The following TMEM132D variants were observed in gnomAD, a reference collection of about 807,000 sequenced individuals.
TMEM132D encodes the protein mature OL transmembrane protein.
In TMEM132D, 21 loss-of-function variants were observed where a neutral mutation model predicts 62.3. That is an observed-to-expected ratio of 0.34 (90% CI 0.24 to 0.49). The LOEUF (loss-of-function observed/expected upper bound fraction) is 0.49. TMEM132D is among the 20% of genes least tolerant of loss of function. The pLI is 0.99. For missense variants in TMEM132D, 1,346 were observed against 1,402.8 expected, an observed-to-expected ratio of 0.96 and a Z score of 0.65; for synonymous variants, 621 against 575.6, an observed-to-expected ratio of 1.08 and a Z score of -1.13.
intron 4 of TMEM132D, among the ~76,000 whole-genome samples, chr12:129,326,942 T>C (rs1383213736): frequency 3.3e-5 from 5 of 152,274 alleles, no homozygotes; most frequent in South Asian, 2.1e-4. Context: ...TAAGTCATAA[T>C]GGTGCACTCA....
intron 4 of TMEM132D, among the ~76,000 whole-genome samples, chr12:129,269,470 T>C (rs1880793969): frequency 6.6e-6 from 1 of 152,138 alleles, no homozygotes; most frequent in Non-Finnish European, 1.5e-5. Context: ...GCAGGACTTT[T>C]GCTAGCCCTG....
intron 5 of TMEM132D, among the ~76,000 whole-genome samples, chr12:129,172,363 T>A (rs1203656785): frequency 6.6e-6 from 1 of 152,242 alleles, no homozygotes; most frequent in Non-Finnish European, 1.5e-5. Context: ...TTTCTTATCA[T>A]TTGTGTGTTC....
chr12:129,453,284 A>T (rs576550939), intron 3 of TMEM132D, among the ~76,000 whole-genome samples: 171 of 152,268 alleles, frequency 1.1e-3, no homozygotes, highest in Admixed American at 2.0e-3. Context: ...TGCCTACTAA[A>T]CGAAGCCCAT....
In TMEM132D at chr12:129,737,873, G is replaced by A. The variant is rs112743863; in HGVS notation, c.80-37175C>T. On this transcript the variant is annotated intron_variant, in intron 1 of 8. Transcript: ENST00000422113. Reference sequence around the variant, plus strand: ...AGGATCTGATTTCTTGGGTGAAAATGAGCACCATGCTTTCACTGATGGTTC... The same window carrying A: ...AGGATCTGATTTCTTGGGTGAAAATAAGCACCATGCTTTCACTGATGGTTC... Among the ~76,000 whole-genome samples the A allele has an allele frequency of 7.2e-3, 1,097 of 152,342 alleles. 17 individuals carry two copies. Among genetic ancestry groups the A allele is most frequent in the African/African-American group, 0.025 (1,024 of 41,570 alleles).
At chr12:129,315,435 G>T (rs1428973751) in intron 4 of TMEM132D, among the ~76,000 whole-genome samples, 2 of 151,988 alleles carry the variant, frequency 1.3e-5, no homozygotes, top group Non-Finnish European at 2.9e-5. Flanking sequence ...TGTTTATGTG[G>T]TGTATCACAT....
At chr12:129,722,583 T>G (rs1025154089) in intron 1 of TMEM132D, among the ~76,000 whole-genome samples, 1 of 152,148 alleles carries the variant, frequency 6.6e-6, no homozygotes, top group Admixed American at 6.5e-5. Flanking sequence ...TAGGTGTAAC[T>G]GGCTTCTATC....
chr12:129,236,029 ATG>A (rs1879771046), intron 4 of TMEM132D, among the ~76,000 whole-genome samples: 1 of 151,940 alleles, frequency 6.6e-6, no homozygotes, highest in Admixed American at 6.6e-5. Context: ...TCTCTCAAAT[ATG>A]TGTTACAGTT....
intron 5 of TMEM132D, among the ~76,000 whole-genome samples, chr12:129,164,912 C>T (rs944393527): frequency 4.6e-5 from 7 of 152,150 alleles, no homozygotes; most frequent in African/African-American, 1.7e-4. Context: ...ACAATCAAAA[C>T]ATATGTCTTC....
chr12:129,622,572 G>A (rs1879102688), intron 2 of TMEM132D, among the ~76,000 whole-genome samples: 1 of 152,184 alleles, frequency 6.6e-6, no homozygotes, highest in Non-Finnish European at 1.5e-5. Flanking sequence ...CCAGGAATAT[G>A]TCCGTAACTA....
chr12:129,127,321 C>A (rs1876244365), intron 5 of TMEM132D, among the ~76,000 whole-genome samples: 2 of 152,174 alleles, frequency 1.3e-5, no homozygotes, highest in African/African-American at 4.8e-5. Context: ...CTCTTTGTGA[C>A]AAATGCCTCT....
chr12:129,801,390 G>A (rs916353973), intron 1 of TMEM132D, among the ~76,000 whole-genome samples: 22 of 151,516 alleles, frequency 1.5e-4, no homozygotes, highest in African/African-American at 3.6e-4. Flanking sequence ...CCTGACCCCC[G>A]AGCAGCCTAA....
chr12:129,882,251 A>G (rs1055169727), intron 1 of TMEM132D, among the ~76,000 whole-genome samples: 7 of 152,098 alleles, frequency 4.6e-5, no homozygotes, highest in Non-Finnish European at 4.4e-5. Context: ...AGAAGGAAAT[A>G]CTCCTCATCT....
intron 2 of TMEM132D, among the ~76,000 whole-genome samples, chr12:129,633,811 C>T (rs1234771891): frequency 6.6e-6 from 1 of 152,102 alleles, no homozygotes; most frequent in African/African-American, 2.4e-5. Flanking sequence ...TCACAGGGAG[C>T]CAGGAACAAT....
At chr12:129,830,798 C>T (rs1593179097) in intron 1 of TMEM132D, among the ~76,000 whole-genome samples, 1 of 152,040 alleles carries the variant, frequency 6.6e-6, no homozygotes, top group African/African-American at 2.4e-5. Flanking sequence ...ATTATTACAA[C>T]GATTATTTAA....
chr12:129,168,529 C>A (rs1174725565), intron 5 of TMEM132D, among the ~76,000 whole-genome samples: 2 of 152,108 alleles, frequency 1.3e-5, no homozygotes, highest in Admixed American at 1.3e-4. Flanking sequence ...ATAAGACATG[C>A]CTTTCACGTC....
intron 3 of TMEM132D, among the ~76,000 whole-genome samples, chr12:129,394,657 G>A (rs189292222): frequency 5.9e-5 from 9 of 152,382 alleles, no homozygotes; most frequent in Non-Finnish European, 1.3e-4. Context: ...GCAAGGCTCA[G>A]CGGGGCTGGA....
chr12:129,370,033 C>A (rs930037523), intron 3 of TMEM132D, among the ~76,000 whole-genome samples: 1 of 152,184 alleles, frequency 6.6e-6, no homozygotes, highest in African/African-American at 2.4e-5. Flanking sequence ...GCTCCCCTAC[C>A]CAGATCCACC....
intron 2 of TMEM132D, among the ~76,000 whole-genome samples, chr12:129,665,266 T>G (rs1036995334): frequency 3.3e-5 from 5 of 152,126 alleles, no homozygotes; most frequent in African/African-American, 1.2e-4. Flanking sequence ...CAAGGAAAGC[T>G]GGCCCAAACC....
chr12:129,552,850 T>C (rs1283575665), intron 2 of TMEM132D, among the ~76,000 whole-genome samples: 1 of 152,212 alleles, frequency 6.6e-6, no homozygotes, highest in East Asian at 1.9e-4. Context: ...TATCTATTTA[T>C]ATTATCTATC....
Sources: gnomAD v4.1 joint callset for allele counts (sites outside exome capture counted in the v4.1 genomes callset) on GRCh38, gnomAD v4.1.1 for gene constraint, MANE v1.5 for transcripts, NCBI Gene and HGNC (gene_info 2026-07-23, HGNC 2026-07-21) for gene names.